The following OSBP variants were observed in gnomAD, a reference collection of about 807,000 sequenced individuals.
OSBP encodes the protein oxysterol-binding protein 1.
In OSBP, 32 loss-of-function variants were observed where a neutral mutation model predicts 96.6. The observed-to-expected ratio is 0.33, with a 90% CI of 0.25 to 0.45. OSBP has a LOEUF of 0.45. Among genes scored for constraint, OSBP ranks in the 20% least tolerant of loss-of-function variants. The pLI is 1.00. For synonymous variants in OSBP, 369 were observed against 389.6 expected (o/e 0.95, Z 0.62); for missense variants, 653 against 1,029.7 (o/e 0.63, Z 5.01).
chr11:59,610,081 T>C (rs977636002), intron 2 of OSBP, among the ~76,000 whole-genome samples: 1 of 152,262 alleles, frequency 6.6e-6, no homozygotes, highest in East Asian at 1.9e-4. Flanking sequence ...GGCTGTTTGG[T>C]ATATTATAGG....
chr11:59,581,529 T>G lies in OSBP; in HGVS notation c.1704A>C (p.Ala568=). The G allele has an allele frequency of 1.2e-6, 2 of 1,611,896 alleles. No homozygotes were observed. The highest frequency in any genetic ancestry group is 1.7e-6 in the Non-Finnish European group (2 of 1,178,122). ...PLGTIHCIFH[A]TGHHYTWKKV... ...TCTTCCAAGTGTAGTGGTGCCCAGT[T>G]GCATGGAAAATACAATGAATGGTAC... The change falls in exon 10 of 14, where the codon GCA becomes GCC. Residue 568 remains alanine (A), a synonymous_variant. Coordinates refer to ENST00000263847, the MANE Select transcript of OSBP (RefSeq NM_002556.3).
rs1381327670 is a variant in OSBP, at chr11:59,615,564, C to T, written c.101G>A (p.Gly34Asp). The change falls in exon 1 of 14, where the codon GGC becomes GAC. Residue 34 changes from glycine to aspartate, a missense_variant. By Grantham distance (94) the Gly-to-Asp change is moderately conservative. Around this residue, in one of 6 missense-constraint regions of OSBP, gnomAD observed 151 missense variants for 146.1 expected, o/e 1.03. Coordinates refer to ENST00000263847, the MANE Select transcript of OSBP (RefSeq NM_002556.3). The stretch of plus-strand genomic sequence containing the variant: ...GCCTGGCCCCGCATCTCCGCGGCCG[C>T]CGCCTCCTCCCACCACTGGGGGACC... ...GAGPPVVGGG[G>D]GRGDAGPGSG... 12 of 1,365,350 alleles carry T rather than the reference C, an allele frequency of 8.8e-6. No individual in the cohort carries two copies. Among genetic ancestry groups the T allele is most frequent in the Non-Finnish European group, 1.1e-5 (12 of 1,054,884 alleles). The allele number at this position is 1,365,350 out of a possible 1,614,324, so 84.6% of individuals were successfully genotyped here.
intron 3 of OSBP, among the ~76,000 whole-genome samples, chr11:59,603,707 T>C (rs1226281391): frequency 6.6e-6 from 1 of 152,014 alleles, no homozygotes; most frequent in African/African-American, 2.4e-5. Context: ...CAGCTAATTT[T>C]TGTAGTTAAT....
At position 59,615,501 on chromosome 11, in the gene OSBP, G is replaced by C. The variant is rs1197034604; in HGVS notation, c.164C>G (p.Ala55Gly). Residue 55 changes from alanine to glycine, a missense_variant, in exon 1 of 14, where the codon GCG (alanine) becomes GGG (glycine). Ala to Gly is a moderately conservative substitution (Grantham distance 60, BLOSUM62 0). Coordinates refer to ENST00000263847, the MANE Select transcript of OSBP (RefSeq NM_002556.3). Reference protein sequence around the residue: ...AASGTVVAAAAGGPGPGAGGV... With the variant: ...AASGTVVAAAGGGPGPGAGGV... ...CCCGGCCCCCGGGCCCGGGCCTCCC[G>C]CCGCCGCCGCGACCACCGTCCCTGA... The C allele has an allele frequency of 8.4e-7, 1 of 1,190,166 alleles. No homozygotes were observed. Among genetic ancestry groups the C allele is most frequent in the Non-Finnish European group, 1.0e-6 (1 of 962,472 alleles). The allele number at this position is 1,190,166 out of a possible 1,614,324, so 73.7% of individuals were successfully genotyped here.
chr11:59,602,775 C>G (rs1159900023), intron 3 of OSBP, among the ~76,000 whole-genome samples: 1 of 152,178 alleles, frequency 6.6e-6, no homozygotes, highest in Non-Finnish European at 1.5e-5. Flanking sequence ...TTATGTACCA[C>G]CATGGCCGAC....
Position 59,578,174 on chromosome 11 carries a change from T to C in OSBP, c.2035A>G (p.Met679Val). 3.1e-6 allele frequency: 5 copies of C among 1,614,234 alleles called. No homozygotes were observed. Among genetic ancestry groups the C allele is most frequent in the Non-Finnish European group, 2.5e-6 (3 of 1,180,028 alleles). ...RGHEAEESRV[M>V]LWKRNPLPKN... ...GGTAAAGGATTCCTTTTCCACAGCA[T>C]GACCCTGCTTTCCTCTGCTTCATGG... Residue 679 changes from methionine (M) to valine (V), a missense_variant, in exon 12 of 14, where the codon ATG becomes GTG. Transcript: ENST00000263847.
At chr11:59,614,619 C>T (rs1159963188) in intron 1 of OSBP, among the ~76,000 whole-genome samples, 2 of 152,162 alleles carry the variant, frequency 1.3e-5, no homozygotes, top group African/African-American at 2.4e-5. Context: ...ACAGAAATGC[C>T]AGATAAAACA....
chr11:59,585,907 C>G (rs971030879), intron 9 of OSBP, among the ~76,000 whole-genome samples: 1 of 152,158 alleles, frequency 6.6e-6, no homozygotes, highest in Non-Finnish European at 1.5e-5. Flanking sequence ...TGTGTCCACT[C>G]AGGGTTAAAT....
Position 59,576,814 on chromosome 11 carries a change from T to C in OSBP, c.2272A>G (p.Thr758Ala). ...AAGGGAAGTTCATTACCATCCTCTG[T>C]GGCTTTCATAGCTTCCGCTTCTCTC... Reference protein sequence around the residue: ...KKREAEAMKATEDGTPYDPYK... With the variant: ...KKREAEAMKAAEDGTPYDPYK... Residue 758 changes from threonine to alanine, a missense_variant, in exon 13 of 14, where the codon ACA (threonine) becomes GCA (alanine). By Grantham distance (58) the Thr-to-Ala change is moderately conservative (BLOSUM62 0). Around this residue, in one of 6 missense-constraint regions of OSBP, gnomAD observed 169 missense variants for 251.5 expected, o/e 0.67. Coordinates refer to ENST00000263847, the MANE Select transcript of OSBP (RefSeq NM_002556.3). 1 of 1,614,108 alleles carries C rather than the reference T, an allele frequency of 6.2e-7. No individual in the cohort carries two copies. Among genetic ancestry groups the C allele is most frequent in the Non-Finnish European group, 8.5e-7 (1 of 1,180,012 alleles).
At chr11:59,581,219 C>G (rs1860416513) in intron 10 of OSBP, among the ~76,000 whole-genome samples, 1 of 152,118 alleles carries the variant, frequency 6.6e-6, no homozygotes, top group Non-Finnish European at 1.5e-5. Context: ...ACAGTCCTAG[C>G]AGAATAGTCA....
Position 59,615,229 on chromosome 11 carries a change from G to A in OSBP, c.362+74C>T, listed in dbSNP as rs1278395464. Reference sequence around the variant, plus strand: ...AACCCTGGCTGCGGTGCCGGCTGGCGGTAATGCCGGAGCTGGGACTGTTGG... The same window carrying A: ...AACCCTGGCTGCGGTGCCGGCTGGCAGTAATGCCGGAGCTGGGACTGTTGG... On this transcript the variant is annotated intron_variant, in intron 1 of 13. Coordinates refer to ENST00000263847, the MANE Select transcript of OSBP (RefSeq NM_002556.3). 7 of 1,295,708 alleles carry A rather than the reference G, an allele frequency of 5.4e-6. No homozygotes were observed. In the East Asian group the frequency reaches 1.4e-4, roughly 26 times the overall value. 80.3% of individuals were successfully genotyped at this position (1,295,708 alleles called of 1,614,324 possible). A position where few individuals can be genotyped will look rare whatever the true frequency, so the allele number is the denominator to read the frequency against.
At chr11:59,586,966 A>G (rs756481114) in intron 9 of OSBP, among the ~76,000 whole-genome samples, 4 of 152,252 alleles carry the variant, frequency 2.6e-5, no homozygotes, top group Non-Finnish European at 5.9e-5. Context: ...GGGTTTGGCA[A>G]TAATTTCTTG....
At chr11:59,594,840 G>A (rs1190925790) in intron 7 of OSBP, among the ~76,000 whole-genome samples, 1 of 152,186 alleles carries the variant, frequency 6.6e-6, no homozygotes, top group Non-Finnish European at 1.5e-5. Context: ...TGGGGGTTGA[G>A]AGGGGGCTGT....
chr11:59,598,593 T>A (rs1159675983), intron 7 of OSBP, among the ~76,000 whole-genome samples: 3 of 152,094 alleles, frequency 2.0e-5, no homozygotes, highest in Non-Finnish European at 4.4e-5. Context: ...CCAGGAAGTA[T>A]CTTCTTGGTT....
At chr11:59,607,957 A>T (rs961368033) in intron 3 of OSBP, among the ~76,000 whole-genome samples, 1 of 152,210 alleles carries the variant, frequency 6.6e-6, no homozygotes, top group African/African-American at 2.4e-5. Flanking sequence ...AACTAGTACT[A>T]TAAGGTTCTC....
Position 59,593,817 on chromosome 11 carries a change from A to G in OSBP, c.1558-93T>C, listed in dbSNP as rs563726033. On this transcript the variant is annotated intron_variant, in intron 8 of 13. Transcript: ENST00000263847. ...TGAGAAACACCAAAATTCACACTTGACGTTTTTACACCCACAACAGTAGGT... is the reference window on the plus strand; with the variant it reads ...TGAGAAACACCAAAATTCACACTTGGCGTTTTTACACCCACAACAGTAGGT... 2.7e-4 allele frequency: 415 copies of G among 1,530,562 alleles called. 2 individuals carry two copies. The African/African-American group carries it at 5.5e-3, about 20-fold the overall frequency. The allele number at this position is 1,530,562 out of a possible 1,614,324, so 94.8% of individuals were successfully genotyped here.
At chr11:59,577,561 C>T (rs1297476058) in intron 12 of OSBP, among the ~76,000 whole-genome samples, 1 of 152,140 alleles carries the variant, frequency 6.6e-6, no homozygotes, top group Non-Finnish European at 1.5e-5. Context: ...GGCATGACCT[C>T]AGCTCACTGC....
Position 59,615,400 on chromosome 11 carries a change from AGCCCGAACCCCCAGC to A in OSBP, c.250_264del (p.Ala84_Gly88del). 2 of 1,566,612 alleles carry A rather than the reference AGCCCGAACCCCCAGC, an allele frequency of 1.3e-6. No homozygotes were observed. The highest frequency in any genetic ancestry group is 1.7e-6 in the Non-Finnish European group (2 of 1,154,664). On this transcript the variant is annotated inframe_deletion, in exon 1 of 14. Transcript: ENST00000263847. ...TTGAAGAGCCAGCCCTCTCGAGCCG[AGCCCGAACCCCCAGC>A]GCCCGAGCCGCCCGAGCCCCCAGTC...
chr11:59,614,909 T>C (rs770458432), intron 1 of OSBP, among the ~76,000 whole-genome samples: 1 of 152,224 alleles, frequency 6.6e-6, no homozygotes, highest in Non-Finnish European at 1.5e-5. Flanking sequence ...GTAAGTTCCT[T>C]GGGAGGAGTG....
Sources: allele counts gnomAD v4.1 joint callset (sites outside exome capture counted in the v4.1 genomes callset), GRCh38; gene constraint gnomAD v4.1.1; regional missense constraint gnomAD v4.1.1; transcripts MANE v1.5; gene names NCBI Gene and HGNC (gene_info 2026-07-23, HGNC 2026-07-21).